MYO5B: variants seen among roughly 807,000 people sequenced by gnomAD.
MYO5B encodes unconventional myosin-Vb.
MYO5B carries 143 observed loss-of-function variants against 229.3 expected under a neutral mutation model. The observed-to-expected ratio is 0.62, with a 90% CI of 0.54 to 0.72. MYO5B has a LOEUF of 0.72. MYO5B is among the 30% of genes least tolerant of loss of function. The pLI is 0.00. For synonymous variants in MYO5B, 918 were observed against 885.2 expected, an observed-to-expected ratio of 1.04 and a Z score of -0.66; for missense variants, 2,321 against 2,331.0, an observed-to-expected ratio of 1.00 and a Z score of 0.09.
chr18:50,060,489 G>A (rs1025716840), intron 1 of MYO5B, among the ~76,000 whole-genome samples: 1 of 152,078 alleles, frequency 6.6e-6, no homozygotes, highest in African/African-American at 2.4e-5. Context: ...CACTCAATTT[G>A]TCACTATCCT....
chr18:50,181,618 T>A (rs2033075084), intron 1 of MYO5B, among the ~76,000 whole-genome samples: 1 of 152,212 alleles, frequency 6.6e-6, no homozygotes, highest in Non-Finnish European at 1.5e-5. Context: ...GATGTATTGA[T>A]GAGCTACAGC....
At chr18:50,164,491 C>T (rs1430006868) in intron 1 of MYO5B, among the ~76,000 whole-genome samples, 1 of 152,170 alleles carries the variant, frequency 6.6e-6, no homozygotes, top group Non-Finnish European at 1.5e-5. Flanking sequence ...AAGGGAAATG[C>T]CCCCTTGATA....
chr18:50,118,989 CCT>C (rs1568114030), intron 1 of MYO5B, among the ~76,000 whole-genome samples: 1 of 152,190 alleles, frequency 6.6e-6, no homozygotes, highest in Non-Finnish European at 1.5e-5. Flanking sequence ...AGCCATTTAA[CCT>C]CTCTGGTCTT....
chr18:50,133,674 T>C (rs2032289450), intron 1 of MYO5B, among the ~76,000 whole-genome samples: 1 of 152,166 alleles, frequency 6.6e-6, no homozygotes, highest in African/African-American at 2.4e-5. Context: ...CTTTGCAAGG[T>C]GGGGCTTATA....
intron 39 of MYO5B, among the ~76,000 whole-genome samples, chr18:49,831,805 T>A (rs2023926371): frequency 6.6e-6 from 1 of 152,186 alleles, no homozygotes; most frequent in Non-Finnish European, 1.5e-5. Flanking sequence ...TGTGCAACAA[T>A]GTTCATAGCG....
At chr18:50,034,294 AGAG>A (rs2026424248) in intron 4 of MYO5B, among the ~76,000 whole-genome samples, 1 of 152,210 alleles carries the variant, frequency 6.6e-6, no homozygotes, top group African/African-American at 2.4e-5. Flanking sequence ...TAAAACTGAT[AGAG>A]AAGACCCATA....
At chr18:49,956,482 GT>G (rs1347241607) in intron 12 of MYO5B, among the ~76,000 whole-genome samples, 2 of 152,186 alleles carry the variant, frequency 1.3e-5, no homozygotes, top group East Asian at 3.9e-4. Context: ...TGACGACAGA[GT>G]TTTAAAGGCT....
rs532525349 is a variant in MYO5B, at chr18:49,872,331, G to A, written c.3538-99C>T. The A allele has an allele frequency of 2.9e-4, 340 of 1,172,530 alleles. No homozygotes were observed. In the African/African-American group the frequency reaches 4.3e-3, roughly 15 times the overall value. The allele number at this position is 1,172,530 out of a possible 1,614,324, so 72.6% of individuals were successfully genotyped here. A position where few individuals can be genotyped will look rare whatever the true frequency, so the allele number is the denominator to read the frequency against. On this transcript the variant is annotated intron_variant, in intron 26 of 39. Transcript: ENST00000285039. ...TCAAACTTGCTCATCCTGCCTGTGC[G>A]TGAATACCCAACACCCCCACCCTCC...
chr18:50,015,290 A>G (rs1216313641), intron 4 of MYO5B, among the ~76,000 whole-genome samples: 2 of 152,172 alleles, frequency 1.3e-5, no homozygotes, highest in African/African-American at 2.4e-5. Flanking sequence ...AAATTAAACT[A>G]TGGCTTTCCC....
chr18:49,936,429 CG>C (rs754185753), intron 15 of MYO5B, 80 bp from the exon 16 acceptor site: 26 of 1,002,932 alleles, frequency 2.6e-5, no homozygotes, highest in Admixed American at 4.0e-5. Flanking sequence ...ATATGGGTGG[CG>C]GTAGTTATTG....
chr18:49,861,814 C>G (rs1206919103), intron 29 of MYO5B, among the ~76,000 whole-genome samples: 1 of 152,116 alleles, frequency 6.6e-6, no homozygotes, highest in Non-Finnish European at 1.5e-5. Context: ...ATCAAAGTAC[C>G]AGAAGTCTTC....
chr18:50,074,839 G>A, intron 1 of MYO5B, among the ~76,000 whole-genome samples: 1 of 151,976 alleles, frequency 6.6e-6, no homozygotes. Flanking sequence ...TGTTTGTTTT[G>A]AGATGGAGTC....
intron 4 of MYO5B, among the ~76,000 whole-genome samples, chr18:50,007,787 A>AT (rs199537233): frequency 0.013 from 2,029 of 152,356 alleles, 20 homozygotes; most frequent in Non-Finnish European, 0.02. Flanking sequence ...GTTTAATGTA[A>AT]TTAACTAACC....
intron 4 of MYO5B, among the ~76,000 whole-genome samples, chr18:50,009,607 T>C (rs1164406725): frequency 1.3e-5 from 2 of 151,666 alleles, no homozygotes; most frequent in South Asian, 2.1e-4. Flanking sequence ...GGAGCAGAGG[T>C]AGGTTAAGAT....
chr18:49,841,622 C>A (rs1241978331), intron 34 of MYO5B, among the ~76,000 whole-genome samples, 168 bp from the exon 35 acceptor site: 4 of 152,204 alleles, frequency 2.6e-5, no homozygotes, highest in Non-Finnish European at 5.9e-5. Context: ...TGCTGAGAGG[C>A]TGTGTGAGTG....
chr18:50,091,592 C>A lies in MYO5B; in HGVS notation c.28-36214G>T, dbSNP rs544645356. The stretch of plus-strand genomic sequence containing the variant: ...GTAACTGGTAGCCCCGAAACTTCAA[C>A]CCAAATCTGGCAACTGTCTGCCTTC... On this transcript the variant is annotated intron_variant, in intron 1 of 39. Transcript: ENST00000285039. Among the ~76,000 whole-genome samples, 9 of 152,276 alleles carry A rather than the reference C, an allele frequency of 5.9e-5. No homozygotes were observed. In the South Asian group the frequency reaches 1.2e-3, roughly 21 times the overall value.
At chr18:50,067,762 G>A (rs1262184110) in intron 1 of MYO5B, among the ~76,000 whole-genome samples, 1 of 152,158 alleles carries the variant, frequency 6.6e-6, no homozygotes, top group Non-Finnish European at 1.5e-5. Context: ...CTCTCTGGAA[G>A]CATTTACTGG....
intron 2 of MYO5B, among the ~76,000 whole-genome samples, chr18:50,045,445 G>C (rs943289272): frequency 1.3e-5 from 2 of 152,180 alleles, no homozygotes; most frequent in Non-Finnish European, 2.9e-5. Context: ...CCAGCCTGGA[G>C]TGCAATGAGG....
chr18:50,147,934 T>TA (rs2144297658), intron 1 of MYO5B, among the ~76,000 whole-genome samples: 1 of 151,214 alleles, frequency 6.6e-6, no homozygotes, highest in African/African-American at 2.4e-5. Context: ...GATAGACCAC[T>TA]AGCAAGACTA....
Sources: gnomAD v4.1 joint callset for allele counts (sites outside exome capture counted in the v4.1 genomes callset) on GRCh38, gnomAD v4.1.1 for gene constraint, MANE v1.5 for transcripts, NCBI Gene and HGNC (gene_info 2026-07-23, HGNC 2026-07-21) for gene names.